TOP1MT: variants seen among roughly 807,000 people sequenced by gnomAD.
The protein encoded by TOP1MT is DNA topoisomerase I, mitochondrial.
TOP1MT carries 80 observed loss-of-function variants against 73.9 expected under a neutral mutation model. That is an observed-to-expected ratio of 1.08 (90% CI 0.90 to 1.30). TOP1MT has a LOEUF of 1.30. TOP1MT is among the 50% of genes most tolerant of loss of function. The probability of loss-of-function intolerance (pLI) is 0.00; values close to 1 mark genes in which losing one functional copy is unlikely to be tolerated. For synonymous variants in TOP1MT, 338 were observed against 326.4 expected (o/e 1.04, Z -0.38); for missense variants, 815 against 808.0 (o/e 1.01, Z -0.10).
intron 7 of TOP1MT, among the ~76,000 whole-genome samples, chr8:143,322,354 C>T (rs1395153457): frequency 7.2e-5 from 7 of 96,558 alleles, no homozygotes; most frequent in East Asian, 3.7e-4. Flanking sequence ...ACGCCACACA[C>T]GCACGCCACA....
chr8:143,357,093 C>CAAAA (rs36125491), upstream of TOP1MT, among the ~76,000 whole-genome samples: 2 of 89,732 alleles, frequency 2.2e-5, no homozygotes, highest in Non-Finnish European at 2.2e-5. Context: ...GACTCCATCT[C>CAAAA]AAAAAAAAAA....
chr8:143,356,371 G>A (rs1817407658), upstream of TOP1MT, among the ~76,000 whole-genome samples: 1 of 152,254 alleles, frequency 6.6e-6, no homozygotes, highest in Non-Finnish European at 1.5e-5. Context: ...CAGCATGCTG[G>A]CAGCAGATCC....
At chr8:143,313,904 G>A (rs574892533) in intron 12 of TOP1MT, among the ~76,000 whole-genome samples, 23 of 151,602 alleles carry the variant, frequency 1.5e-4, no homozygotes, top group South Asian at 2.1e-4. Flanking sequence ...AAGAGTGGGC[G>A]AAACATCGAC....
chr8:143,324,490 G>T lies in TOP1MT; in HGVS notation c.811C>A (p.Leu271Met). The T allele has an allele frequency of 6.2e-7, 1 of 1,613,936 alleles. No individual in the cohort carries two copies. The highest frequency in any genetic ancestry group is 2.2e-5 in the East Asian group (1 of 44,884). Residue 271 changes from leucine (L) to methionine (M), a missense_variant, in exon 6 of 14, where the codon CTG becomes ATG. Physicochemically the swap from Leu to Met is conservative, Grantham distance 15. Transcript: ENST00000329245. ...KYIMLNPCSKLKGETAWQKFE... is the reference protein window; with the variant it reads ...KYIMLNPCSKMKGETAWQKFE... ...CTGCCAAGCCCTGCGCTCACCTTCAGCTTCGAGCAAGGGTTCAGCATGATG... is the reference window on the plus strand; with the variant it reads ...CTGCCAAGCCCTGCGCTCACCTTCATCTTCGAGCAAGGGTTCAGCATGATG...
At chr8:143,319,252 G>A (rs1326824069) in intron 8 of TOP1MT, among the ~76,000 whole-genome samples, 4 of 151,922 alleles carry the variant, frequency 2.6e-5, no homozygotes, top group African/African-American at 4.8e-5. Context: ...GTTTTTCAAC[G>A]GCTCCACTCC....
upstream of TOP1MT, among the ~76,000 whole-genome samples, chr8:143,356,393 A>T (rs1817408035): frequency 6.6e-6 from 1 of 152,268 alleles, no homozygotes; most frequent in South Asian, 2.1e-4. Flanking sequence ...ACCCTTCTGA[A>T]ATTTGACATA....
In TOP1MT at chr8:143,321,224, T is replaced by C. The variant is rs1228068763; in HGVS notation, c.1123A>G (p.Asn375Asp). The C allele has an allele frequency of 4.4e-6, 7 of 1,608,488 alleles. No individual in the cohort carries two copies. The highest frequency in any genetic ancestry group is 5.9e-6 in the Non-Finnish European group (7 of 1,177,104). ...ACCGGCTTCTCCACCGGCACTCTGT[T>C]GTAGTAGCGGATGCAGTCCTTCCCC... ...FLGKDCIRYYNRVPVEKPVYK... is the reference protein window; with the variant it reads ...FLGKDCIRYYDRVPVEKPVYK... The change falls in exon 8 of 14, where the codon AAC becomes GAC. Residue 375 changes from asparagine to aspartate, a missense_variant. By Grantham distance (23) the Asn-to-Asp change is conservative. Transcript: ENST00000329245.
At chr8:143,318,318 C>A (rs1243625618) in intron 8 of TOP1MT, among the ~76,000 whole-genome samples, 1 of 152,212 alleles carries the variant, frequency 6.6e-6, no homozygotes, top group Admixed American at 6.5e-5. Flanking sequence ...GGGCGTGACT[C>A]CTGCCCTGCA....
intron 1 of TOP1MT, chr8:143,332,568 G>C (rs1213871685): frequency 7.8e-7 from 1 of 1,289,448 alleles, no homozygotes; most frequent in Admixed American, 2.3e-5. Context: ...GCTGGGATGA[G>C]TGTCCTCAGA....
At position 143,324,026 on chromosome 8, in the gene TOP1MT, C is replaced by A; in HGVS notation, c.933G>T (p.Arg311=). The change falls in exon 7 of 14, where the codon CGG becomes CGT. Residue 311 remains arginine, a synonymous_variant. Transcript: ENST00000329245. ...TATCGATGAAATACAGGGCCACCGCCCGCTGTCTCGTCTTCATTTCCCGAG... is the reference window on the plus strand; with the variant it reads ...TATCGATGAAATACAGGGCCACCGCACGCTGTCTCGTCTTCATTTCCCGAG... ...WKSREMKTRQ[R]AVALYFIDKL... 2 of 1,613,822 alleles carry A rather than the reference C, an allele frequency of 1.2e-6. No homozygotes were observed. The highest frequency in any genetic ancestry group is 1.7e-6 in the Non-Finnish European group (2 of 1,180,030).
At position 143,317,785 on chromosome 8, in the gene TOP1MT, T is replaced by C. The variant is rs147138022; in HGVS notation, c.1268A>G (p.Lys423Arg). 3 of 1,614,048 alleles carry C rather than the reference T, an allele frequency of 1.9e-6. No homozygotes were observed. The African/African-American group carries it at 4.0e-5, about 22-fold the overall frequency. ...LQELMDGLTA[K>R]VFRTYNASIT... ...GGAGGCGTTGTAGGTCCGGAACACC[T>C]TGGCCGTCAGCCCGTCCATCAGCTC... Residue 423 changes from lysine to arginine, a missense_variant, in exon 10 of 14, where the codon AAG becomes AGG. Coordinates refer to ENST00000329245, the MANE Select transcript of TOP1MT (RefSeq NM_052963.3).
At chr8:143,350,116 A>G (rs1236847315) in intron 1 of TOP1MT, 1 of 152,234 alleles carries the variant, frequency 6.6e-6, no homozygotes. Flanking sequence ...TTTCACCCAC[A>G]AACATCTCCA....
At chr8:143,346,785 T>C (rs1257715601), upstream of TOP1MT, among the ~76,000 whole-genome samples, 1 of 152,024 alleles carries the variant, frequency 6.6e-6, no homozygotes, top group African/African-American at 2.4e-5. Flanking sequence ...TCTTGCTGCA[T>C]TACCCCAGGG....
In TOP1MT at chr8:143,315,729, C is replaced by T; in HGVS notation, c.1551G>A (p.Arg517=). 1 of 1,613,962 alleles carries T rather than the reference C, an allele frequency of 6.2e-7. No homozygotes were observed. Among genetic ancestry groups the T allele is most frequent in the Non-Finnish European group, 8.5e-7 (1 of 1,179,902 alleles). ...CGTCTGAGGGCACGGGTACTCACCT[C>T]CTGGACTTGCCATCCCCTTGGGCTT... ...EHKAQGDGKS[R]SVLEKKRRLL... The change falls in exon 12 of 14, where the codon AGG becomes AGA. Residue 517 remains arginine (R), a splice_region_variant and synonymous_variant. Coordinates refer to ENST00000329245, the MANE Select transcript of TOP1MT (RefSeq NM_052963.3).
chr8:143,322,653 A>ACG (rs1816502414), intron 7 of TOP1MT, among the ~76,000 whole-genome samples: 1 of 65,464 alleles, frequency 1.5e-5, no homozygotes, highest in Non-Finnish European at 2.7e-5. Context: ...CCACACGCAC[A>ACG]CCACACACGC....
Position 143,321,368 on chromosome 8 carries a change from T to C in TOP1MT, c.979A>G (p.Asn327Asp). 1 of 1,589,826 alleles carries C rather than the reference T, an allele frequency of 6.3e-7. No homozygotes were observed. Among genetic ancestry groups the C allele is most frequent in the East Asian group, 2.3e-5 (1 of 44,354 alleles). Residue 327 changes from asparagine (N) to aspartate (D), a missense_variant, in exon 8 of 14, where the codon AAT becomes GAT. Asn to Asp is a conservative substitution (Grantham distance 23, BLOSUM62 1). Transcript: ENST00000329245. ...FIDKLALRAG[N>D]EKEDGEAADT... ...GCCGCCTCACCGTCCTCCTTCTCAT[T>C]TCCTGCTCTCAGTGCCAGCTAGTTG...
At chr8:143,322,989 C>T (rs1303237573) in intron 7 of TOP1MT, among the ~76,000 whole-genome samples, 5 of 125,902 alleles carry the variant, frequency 4.0e-5, no homozygotes, top group African/African-American at 6.1e-5. Flanking sequence ...ACGCCACACA[C>T]GCACGCCACA....
chr8:143,316,279 C>T (rs113281634), intron 10 of TOP1MT, among the ~76,000 whole-genome samples, 153 bp from the exon 11 acceptor site: 71 of 152,332 alleles, frequency 4.7e-4, no homozygotes, highest in African/African-American at 1.5e-3. Context: ...GGGTCAGTGA[C>T]CCTCCAAGGT....
upstream of TOP1MT, among the ~76,000 whole-genome samples, chr8:143,348,538 A>G (rs1817266428): frequency 1.4e-5 from 2 of 144,838 alleles, no homozygotes; most frequent in Non-Finnish European, 3.0e-5. The surrounding 1 kb of genome is among the most constrained non-coding windows in gnomAD (Gnocchi z 4.6). Flanking sequence ...GGGGTGTGGC[A>G]GGAGGGTCCT....
Sources: allele counts gnomAD v4.1 joint callset (sites outside exome capture counted in the v4.1 genomes callset), GRCh38; gene constraint gnomAD v4.1.1; non-coding constraint Gnocchi (gnomAD v3.1); transcripts MANE v1.5; gene names NCBI Gene and HGNC (gene_info 2026-07-23, HGNC 2026-07-21).